Variants in XKR6 observed in about 807,000 individuals in gnomAD.
The protein encoded by XKR6 is XK related 6, also known as XK-related protein 6.
Under a neutral mutation model 56.7 loss-of-function variants are expected in XKR6, and 22 were observed. The ratio of observed to expected loss-of-function variants is 0.39; its 90% CI spans 0.28 to 0.55. The LOEUF is 0.55. Ranked by LOEUF, XKR6 falls within the 20% of genes least tolerant of loss-of-function variation. The pLI, the probability that XKR6 is intolerant of heterozygous loss-of-function variation, is 0.66. For synonymous variants in XKR6, 524 were observed against 387.8 expected, an observed-to-expected ratio of 1.35 and a Z score of -4.13; for missense variants, 852 against 889.0, an observed-to-expected ratio of 0.96 and a Z score of 0.53.
At chr8:11,130,315 C>G (rs996664253) in intron 1 of XKR6, among the ~76,000 whole-genome samples, 2 of 152,066 alleles carry the variant, frequency 1.3e-5, no homozygotes, top group Non-Finnish European at 2.9e-5. Context: ...TGGTCAAGAT[C>G]TAAGTTCGGG....
chr8:11,043,573 C>A (rs890660783), intron 1 of XKR6, among the ~76,000 whole-genome samples: 2 of 152,250 alleles, frequency 1.3e-5, no homozygotes, highest in African/African-American at 4.8e-5. Context: ...CTGGGTCTTG[C>A]ACTTCCCCTG....
At chr8:10,946,858 G>A (rs1048572974) in intron 1 of XKR6, among the ~76,000 whole-genome samples, 1 of 152,184 alleles carries the variant, frequency 6.6e-6, no homozygotes, top group African/African-American at 2.4e-5. Context: ...TTCTGTCAGA[G>A]GCACTGGAGC....
In XKR6 at chr8:11,173,993, T is replaced by C. The variant is rs531677730; in HGVS notation, c.764+26583A>G. 2.0e-5 allele frequency among the ~76,000 whole-genome samples: 3 copies of C among 152,362 alleles called. No individual in the cohort carries two copies. In the South Asian group the frequency reaches 6.2e-4, roughly 32 times the overall value. ...ATGAGGGGAGTACTTTCACAATTTA[T>C]TCTATGCATATCTGTATTTTTCTCT... On this transcript the variant is annotated intron_variant, in intron 1 of 2. Transcript: ENST00000416569.
At chr8:10,999,720 A>T (rs1798196335) in intron 1 of XKR6, among the ~76,000 whole-genome samples, 1 of 152,242 alleles carries the variant, frequency 6.6e-6, no homozygotes, top group African/African-American at 2.4e-5. Context: ...AGATGTGACC[A>T]AACAAGGAGG....
At chr8:11,126,341 C>T (rs1487515702) in intron 1 of XKR6, among the ~76,000 whole-genome samples, 1 of 152,202 alleles carries the variant, frequency 6.6e-6, no homozygotes, top group Non-Finnish European at 1.5e-5. Flanking sequence ...GCTGGGATTA[C>T]AGGCGTGAGC....
chr8:11,171,874 G>A (rs1802389662), intron 1 of XKR6, among the ~76,000 whole-genome samples: 2 of 151,682 alleles, frequency 1.3e-5, no homozygotes. Context: ...CAAACATGGT[G>A]AAACCCCATC....
At chr8:10,941,879 G>A (rs529702852) in intron 1 of XKR6, among the ~76,000 whole-genome samples, 1 of 152,180 alleles carries the variant, frequency 6.6e-6, no homozygotes, top group Admixed American at 6.5e-5. Context: ...GAACCCCAAC[G>A]GCCCTTCCAC....
intron 1 of XKR6, among the ~76,000 whole-genome samples, chr8:11,160,236 T>G (rs1462406515): frequency 6.6e-6 from 1 of 152,106 alleles, no homozygotes; most frequent in Non-Finnish European, 1.5e-5. Flanking sequence ...TTCAGCCAGA[T>G]AAGTAGGGAT....
At chr8:10,989,792 G>C (rs1797946435) in intron 1 of XKR6, among the ~76,000 whole-genome samples, 1 of 152,104 alleles carries the variant, frequency 6.6e-6, no homozygotes, top group Admixed American at 6.5e-5. Flanking sequence ...ATTCTGTCTG[G>C]GTCACAGACT....
intron 1 of XKR6, among the ~76,000 whole-genome samples, chr8:11,017,148 T>C (rs1409828854): frequency 1.3e-5 from 2 of 152,194 alleles, no homozygotes; most frequent in Non-Finnish European, 2.9e-5. Flanking sequence ...AGATGATAGA[T>C]ACATATAGAT....
intron 1 of XKR6, among the ~76,000 whole-genome samples, chr8:10,986,093 T>C (rs1178987692): frequency 6.6e-6 from 1 of 152,210 alleles, no homozygotes; most frequent in East Asian, 1.9e-4. Flanking sequence ...TGTAGACAGA[T>C]CTACTGGAGA....
intron 1 of XKR6, among the ~76,000 whole-genome samples, chr8:10,978,787 C>G (rs539510846): frequency 3.3e-5 from 5 of 152,330 alleles, no homozygotes; most frequent in Non-Finnish European, 5.9e-5. Flanking sequence ...AACTCCTCCC[C>G]CCGTGCTGAC....
chr8:10,935,795 T>G (rs1235814167), intron 1 of XKR6, among the ~76,000 whole-genome samples: 1 of 133,762 alleles, frequency 7.5e-6, no homozygotes, highest in Non-Finnish European at 1.6e-5. Context: ...TCTTTTACAT[T>G]TGCTGAGGAG....
At chr8:11,095,993 A>T (rs1190971562) in intron 1 of XKR6, among the ~76,000 whole-genome samples, 2 of 152,276 alleles carry the variant, frequency 1.3e-5, no homozygotes, top group Non-Finnish European at 2.9e-5. Context: ...AGCATAAAAT[A>T]AAAACTTGAC....
chr8:11,186,701 C>A (rs1563204016), intron 1 of XKR6, among the ~76,000 whole-genome samples: 1 of 152,100 alleles, frequency 6.6e-6, no homozygotes, highest in Non-Finnish European at 1.5e-5. Flanking sequence ...TTTTAAGAAA[C>A]AGTTATACTT....
chr8:10,986,475 T>A (rs902708488), intron 1 of XKR6, among the ~76,000 whole-genome samples: 2 of 152,242 alleles, frequency 1.3e-5, no homozygotes, highest in African/African-American at 4.8e-5. Context: ...ATCTTTATAC[T>A]TCACGATCTC....
chr8:10,913,795 A>G, intron 2 of XKR6, among the ~76,000 whole-genome samples: 1 of 152,184 alleles, frequency 6.6e-6, no homozygotes, highest in Non-Finnish European at 1.5e-5. Context: ...GGTTCCCGAT[A>G]AGCAGAGAAG....
At chr8:10,968,045 C>A (rs928487422) in intron 1 of XKR6, among the ~76,000 whole-genome samples, 60 of 152,340 alleles carry the variant, frequency 3.9e-4, no homozygotes, top group African/African-American at 1.4e-3. Flanking sequence ...AGAGGCCCTG[C>A]AGCACCCCCC....
chr8:10,990,705 G>A (rs2129140205), intron 1 of XKR6, among the ~76,000 whole-genome samples: 1 of 152,138 alleles, frequency 6.6e-6, no homozygotes, highest in South Asian at 2.1e-4. Flanking sequence ...TAAGCCTGCA[G>A]AGTAGCTGGG....
Sources: allele counts gnomAD v4.1 joint callset (sites outside exome capture counted in the v4.1 genomes callset), GRCh38; gene constraint gnomAD v4.1.1; transcripts MANE v1.5; gene names NCBI Gene and HGNC (gene_info 2026-07-23, HGNC 2026-07-21).